Variants in FUT8 observed in about 807,000 individuals in gnomAD.
FUT8 encodes the protein alpha-(1,6)-fucosyltransferase.
In FUT8, 29 loss-of-function variants were observed where a neutral mutation model predicts 71.3. The observed-to-expected ratio is 0.41, with a 90% CI of 0.30 to 0.55. The LOEUF is 0.55. Among genes scored for constraint, FUT8 ranks in the 20% least tolerant of loss-of-function variants. FUT8 has a pLI of 0.34. For missense variants in FUT8, 544 were observed against 702.1 expected (o/e 0.77, Z 2.55); for synonymous variants, 254 against 239.3 (o/e 1.06, Z -0.57).
chr14:65,543,118 C>T (rs1199020756), intron 2 of FUT8, among the ~76,000 whole-genome samples: 1 of 152,174 alleles, frequency 6.6e-6, no homozygotes, highest in Non-Finnish European at 1.5e-5. Context: ...ATTTATCTCT[C>T]CTTATAACTA....
intron 8 of FUT8, among the ~76,000 whole-genome samples, chr14:65,723,479 T>G (rs1486187741): frequency 6.6e-6 from 1 of 152,168 alleles, no homozygotes; most frequent in Non-Finnish European, 1.5e-5. Flanking sequence ...GAAATTAATA[T>G]CTGCTGTCAT....
intron 6 of FUT8, among the ~76,000 whole-genome samples, chr14:65,650,316 A>AAC (rs1891324492): frequency 6.7e-6 from 1 of 149,458 alleles, no homozygotes; most frequent in African/African-American, 2.5e-5. Context: ...AAAAAAAAAA[A>AAC]AAAAAAAAAA....
chr14:65,361,767 A>G, the FUT8 span, among the ~76,000 whole-genome samples: 1 of 152,172 alleles, frequency 6.6e-6, no homozygotes, highest in Non-Finnish European at 1.5e-5. Context: ...AGCCTGGGCG[A>G]CAGAGCAAGA....
chr14:65,511,591 TTAAAG>T (rs1173361469), intron 2 of FUT8, among the ~76,000 whole-genome samples: 1 of 152,178 alleles, frequency 6.6e-6, no homozygotes, highest in African/African-American at 2.4e-5. Context: ...TGCATATATA[TTAAAG>T]TACTTTTTTA....
chr14:65,408,173 C>A (rs1042750088), upstream of FUT8, among the ~76,000 whole-genome samples: 8 of 152,170 alleles, frequency 5.3e-5, no homozygotes, highest in Non-Finnish European at 1.0e-4. Context: ...GGGAGGCAGG[C>A]TGCTCTACCT....
chr14:65,648,487 A>G (rs1326350572), intron 6 of FUT8, among the ~76,000 whole-genome samples: 1 of 152,230 alleles, frequency 6.6e-6, no homozygotes, highest in African/African-American at 2.4e-5. Context: ...AGGACTAGAC[A>G]TCAGGAGTTA....
At chr14:65,600,464 C>T (rs553775162) in intron 3 of FUT8, among the ~76,000 whole-genome samples, 13 of 151,906 alleles carry the variant, frequency 8.6e-5, no homozygotes, top group South Asian at 2.1e-4. Flanking sequence ...TTGAATGTAG[C>T]GGGATAGAGT....
At chr14:65,419,186 G>A (rs1253639135) in intron 1 of FUT8, among the ~76,000 whole-genome samples, 1 of 152,120 alleles carries the variant, frequency 6.6e-6, no homozygotes, top group Non-Finnish European at 1.5e-5. Context: ...CTTGAACCCA[G>A]GAGGCGGAGG....
At chr14:65,584,240 G>A (rs552339645) in intron 3 of FUT8, among the ~76,000 whole-genome samples, 1 of 148,530 alleles carries the variant, frequency 6.7e-6, no homozygotes, top group East Asian at 2.0e-4. Flanking sequence ...GTGCAGTGGT[G>A]CGATCTTGGC....
chr14:65,720,452 C>G (rs1895358706), intron 7 of FUT8, among the ~76,000 whole-genome samples: 1 of 152,234 alleles, frequency 6.6e-6, no homozygotes, highest in African/African-American at 2.4e-5. Flanking sequence ...ACTTGGTGCT[C>G]TGTTCCACTG....
intron 7 of FUT8, among the ~76,000 whole-genome samples, chr14:65,684,478 C>G (rs547925520): frequency 6.6e-6 from 1 of 152,268 alleles, no homozygotes; most frequent in African/African-American, 2.4e-5. Context: ...CTACTCATGT[C>G]ATTCTTTAAA....
intron 3 of FUT8, 34 bp downstream of exon 3, chr14:65,561,800 A>C: frequency 6.5e-7 from 1 of 1,550,028 alleles, no homozygotes; most frequent in Non-Finnish European, 8.9e-7. Flanking sequence ...AGAATGATGA[A>C]ATATTGTACT....
Position 65,679,131 on chromosome 14 carries a change from A to G in FUT8, c.835+9651A>G, listed in dbSNP as rs185555132. Among the ~76,000 whole-genome samples the G allele has an allele frequency of 2.1e-3, 316 of 152,360 alleles. 3 individuals carry two copies. Among genetic ancestry groups the G allele is most frequent in the South Asian group, 9.1e-3 (44 of 4,832 alleles). On this transcript the variant is annotated intron_variant, in intron 7 of 10. Transcript: ENST00000673929. The stretch of plus-strand genomic sequence containing the variant: ...ACCGTGTTTTTCTTTCTTTGCTGCC[A>G]CTGCCCATCTTGCTGTGTTCACTGA...
At chr14:65,365,956 G>A in the FUT8 span, among the ~76,000 whole-genome samples, 1 of 152,070 alleles carries the variant, frequency 6.6e-6, no homozygotes, top group East Asian at 1.9e-4. Flanking sequence ...TCCTGCCTCA[G>A]CCTCCTGAGT....
At chr14:65,692,414 C>G (rs1893685044) in intron 7 of FUT8, among the ~76,000 whole-genome samples, 5 of 145,858 alleles carry the variant, frequency 3.4e-5, no homozygotes, top group East Asian at 2.1e-4. Context: ...GGGCTGACCC[C>G]CCCACCTCCC....
chr14:65,712,554 C>T (rs1230366263), intron 7 of FUT8, among the ~76,000 whole-genome samples: 5 of 152,144 alleles, frequency 3.3e-5, no homozygotes, highest in African/African-American at 1.2e-4. Context: ...AAGCGATTCT[C>T]CTGCCTCAGC....
intron 2 of FUT8, among the ~76,000 whole-genome samples, chr14:65,556,784 T>C (rs922288518): frequency 2.0e-5 from 3 of 152,188 alleles, no homozygotes; most frequent in Non-Finnish European, 4.4e-5. Context: ...ACAACGTCAA[T>C]ATATACCACA....
intron 3 of FUT8, among the ~76,000 whole-genome samples, chr14:65,586,215 A>G (rs1887371225): frequency 6.6e-6 from 1 of 152,224 alleles, no homozygotes; most frequent in African/African-American, 2.4e-5. Flanking sequence ...GTATCCAGAA[A>G]GAAGAATATA....
chr14:65,594,571 A>G (rs1220709890), intron 3 of FUT8, among the ~76,000 whole-genome samples: 1 of 152,172 alleles, frequency 6.6e-6, no homozygotes, highest in East Asian at 1.9e-4. Context: ...CTTTTTGGGT[A>G]CCGGCATGTG....
Sources: allele counts gnomAD v4.1 joint callset (sites outside exome capture counted in the v4.1 genomes callset), GRCh38; gene constraint gnomAD v4.1.1; transcripts MANE v1.5; gene names NCBI Gene and HGNC (gene_info 2026-07-23, HGNC 2026-07-21).